Variants in MTBP observed in about 807,000 individuals in gnomAD.
The protein encoded by MTBP is MDM2 binding protein.
Under a neutral mutation model 117.0 loss-of-function variants are expected in MTBP, and 101 were observed. That is an observed-to-expected ratio of 0.86 (90% CI 0.73 to 1.02). The LOEUF (loss-of-function observed/expected upper bound fraction) is 1.02, where lower values mean the gene tolerates loss of function less well. MTBP is among the 50% of genes least tolerant of loss of function. MTBP has a pLI of 0.00. For missense variants in MTBP, 970 were observed against 1,030.9 expected (o/e 0.94, Z 0.81); for synonymous variants, 350 against 351.5 (o/e 1.00, Z 0.05).
intron 11 of MTBP, among the ~76,000 whole-genome samples, chr8:120,487,381 G>A (rs569372494): frequency 2.0e-5 from 3 of 152,226 alleles, no homozygotes; most frequent in African/African-American, 7.2e-5. Flanking sequence ...GTTACCAATT[G>A]TTCATATGCT....
chr8:120,445,761 CAG>C (rs1301270205), intron 1 of MTBP, among the ~76,000 whole-genome samples, 173 bp downstream of exon 1: 1 of 152,164 alleles, frequency 6.6e-6, no homozygotes, highest in African/African-American at 2.4e-5. Context: ...CATGGAAAAA[CAG>C]GGACAAATTT....
intron 9 of MTBP, among the ~76,000 whole-genome samples, chr8:120,461,592 A>G (rs1813584365): frequency 6.6e-6 from 1 of 152,142 alleles, no homozygotes; most frequent in African/African-American, 2.4e-5. Flanking sequence ...CTTTAATGCA[A>G]TTATAATGTT....
intron 17 of MTBP, among the ~76,000 whole-genome samples, chr8:120,510,358 C>T (rs2130613029): frequency 6.6e-6 from 1 of 152,114 alleles, no homozygotes; most frequent in Middle Eastern, 3.4e-3. Context: ...TGTAGTTGCT[C>T]AGAAATTGTT....
intron 19 of MTBP, among the ~76,000 whole-genome samples, chr8:120,518,468 T>C (rs1398540591): frequency 1.3e-5 from 2 of 152,154 alleles, no homozygotes; most frequent in East Asian, 1.9e-4. Context: ...AACTCATGAT[T>C]TGAGTTCCTT....
At chr8:120,508,583 T>G (rs1814738749) in intron 16 of MTBP, among the ~76,000 whole-genome samples, 1 of 152,212 alleles carries the variant, frequency 6.6e-6, no homozygotes. Context: ...TTTTACATTT[T>G]AATGTAATAA....
intron 17 of MTBP, among the ~76,000 whole-genome samples, chr8:120,511,294 T>C (rs1814802395): frequency 6.6e-6 from 1 of 152,110 alleles, no homozygotes; most frequent in African/African-American, 2.4e-5. Flanking sequence ...GATTACAAAA[T>C]TTTACTTCTC....
chr8:120,486,361 C>T (rs1814214861), intron 11 of MTBP, among the ~76,000 whole-genome samples: 1 of 152,134 alleles, frequency 6.6e-6, no homozygotes, highest in Non-Finnish European at 1.5e-5. Flanking sequence ...AATCTCTGAG[C>T]CACTACTTCG....
chr8:120,522,802 G>A, intron 21 of MTBP, 83 bp downstream of exon 21: 1 of 1,021,090 alleles, frequency 9.8e-7, no homozygotes, highest in Non-Finnish European at 1.4e-6. Context: ...TATATATGCA[G>A]CAGTAATCAG....
At chr8:120,476,761 A>G (rs764691514) in intron 11 of MTBP, among the ~76,000 whole-genome samples, 24 of 152,200 alleles carry the variant, frequency 1.6e-4, no homozygotes, top group Non-Finnish European at 3.4e-4. Context: ...GAGGACACAA[A>G]CAAATGGAAG....
rs984099788 is a variant in MTBP, at chr8:120,457,479, C to G, written c.747+809C>G. Among the ~76,000 whole-genome samples the G allele has an allele frequency of 2.6e-5, 4 of 152,102 alleles. 1 individual carries two copies. In the South Asian group the frequency reaches 6.2e-4, roughly 24 times the overall value. ...AAATTTTTCTTCCTTTTTAATTCAC[C>G]CTTAATAATGGTTTAATAAAATCTC... On this transcript the variant is annotated intron_variant, in intron 7 of 21. Coordinates refer to ENST00000305949, the MANE Select transcript of MTBP (RefSeq NM_022045.5).
At chr8:120,521,026 A>C (rs1034927489) in intron 20 of MTBP, among the ~76,000 whole-genome samples, 1 of 152,166 alleles carries the variant, frequency 6.6e-6, no homozygotes, top group African/African-American at 2.4e-5. Flanking sequence ...GGAAAAGACA[A>C]GTCCTAATAG....
chr8:120,446,375 C>A, intron 1 of MTBP, 58 bp from the exon 2 acceptor site: 1 of 1,042,918 alleles, frequency 9.6e-7, no homozygotes, highest in Admixed American at 1.7e-5. Flanking sequence ...TGAAATTGGA[C>A]TAAGTTAGAT....
At chr8:120,446,204 G>A (rs1813223582) in intron 1 of MTBP, among the ~76,000 whole-genome samples, 1 of 152,160 alleles carries the variant, frequency 6.6e-6, no homozygotes, top group African/African-American at 2.4e-5. Context: ...ATTCTTTTGA[G>A]GGGAATTTTG....
intron 2 of MTBP, among the ~76,000 whole-genome samples, chr8:120,447,996 G>A (rs1586933874): frequency 6.6e-6 from 1 of 151,682 alleles, no homozygotes; most frequent in East Asian, 1.9e-4. Flanking sequence ...GCTCAATCAT[G>A]CTTCACTGCA....
At chr8:120,490,423 G>T (rs1255130324) in intron 12 of MTBP, 40 bp from the exon 13 acceptor site, 1 of 1,247,490 alleles carries the variant, frequency 8.0e-7, no homozygotes. Context: ...TTGGCAAAGG[G>T]CATCATTAAT....
intron 12 of MTBP, among the ~76,000 whole-genome samples, chr8:120,489,106 T>A (rs1222058573): frequency 6.6e-6 from 1 of 150,982 alleles, no homozygotes; most frequent in Admixed American, 6.7e-5. Flanking sequence ...TGGTGCAATC[T>A]TCGCTCACTG....
intron 13 of MTBP, among the ~76,000 whole-genome samples, chr8:120,491,741 T>A (rs1814351236): frequency 6.6e-6 from 1 of 152,192 alleles, no homozygotes. Context: ...TTTTTATAAC[T>A]CAGTTCCTTC....
chr8:120,513,934 C>T (rs963388817), intron 17 of MTBP, among the ~76,000 whole-genome samples: 1 of 151,794 alleles, frequency 6.6e-6, no homozygotes, highest in African/African-American at 2.4e-5. Flanking sequence ...GATGCCAAGA[C>T]CTAGGTTCTA....
At chr8:120,505,853 A>G (rs774953451) in intron 15 of MTBP, among the ~76,000 whole-genome samples, 1 of 152,104 alleles carries the variant, frequency 6.6e-6, no homozygotes, top group Non-Finnish European at 1.5e-5. Context: ...TTTCATTTAT[A>G]GGGTCATAGA....
Sources: allele counts gnomAD v4.1 joint callset (sites outside exome capture counted in the v4.1 genomes callset), GRCh38; gene constraint gnomAD v4.1.1; transcripts MANE v1.5; gene names NCBI Gene and HGNC (gene_info 2026-07-23, HGNC 2026-07-21).